Variants in WWOX observed in about 807,000 individuals in gnomAD.
WWOX encodes WW domain-containing oxidoreductase.
A neutral mutation model predicts 46.2 loss-of-function variants in WWOX; 69 were observed. The ratio of observed to expected loss-of-function variants is 1.49; its 90% confidence interval spans 1.23 to 1.82. WWOX has a LOEUF of 1.82. Among genes scored for constraint, WWOX ranks in the 40% most tolerant of loss-of-function variants. The pLI, the probability that WWOX is intolerant of heterozygous loss-of-function variation, is 0.00. For missense variants in WWOX, 919 were observed against 542.6 expected, an observed-to-expected ratio of 1.69 and a Z score of -6.89; for synonymous variants, 359 against 202.6, an observed-to-expected ratio of 1.77 and a Z score of -6.56.
intron 6 of WWOX, among the ~76,000 whole-genome samples, chr16:78,419,110 A>T (rs531698269): frequency 2.0e-5 from 3 of 152,274 alleles, no homozygotes; most frequent in Admixed American, 2.0e-4. Flanking sequence ...AAAGTAGGAT[A>T]AAAGTTTAAT....
intron 8 of WWOX, among the ~76,000 whole-genome samples, chr16:79,028,715 C>G (rs895827869): frequency 6.6e-6 from 1 of 151,844 alleles, no homozygotes; most frequent in Non-Finnish European, 1.5e-5. Context: ...AATAAATTTA[C>G]TCTCTAAACT....
intron 8 of WWOX, among the ~76,000 whole-genome samples, chr16:79,160,485 C>A (rs1420242701): frequency 6.6e-6 from 1 of 152,108 alleles, no homozygotes; most frequent in African/African-American, 2.4e-5. Context: ...TCAATAAGAG[C>A]CGATCATAGG....
chr16:79,208,647 G>A (rs1467306931), intron 8 of WWOX, among the ~76,000 whole-genome samples: 1 of 144,908 alleles, frequency 6.9e-6, no homozygotes, highest in Non-Finnish European at 1.5e-5. Context: ...TTTTTAATCA[G>A]TTTAAGAATG....
intron 8 of WWOX, among the ~76,000 whole-genome samples, chr16:78,579,620 G>A (rs568058062): frequency 6.6e-6 from 1 of 152,290 alleles, no homozygotes; most frequent in East Asian, 1.9e-4. Flanking sequence ...GTACTTCAAG[G>A]TTTTGGAGTG....
intron 4 of WWOX, among the ~76,000 whole-genome samples, chr16:78,122,142 T>C (rs1267385039): frequency 6.6e-6 from 1 of 152,208 alleles, no homozygotes; most frequent in Non-Finnish European, 1.5e-5. Flanking sequence ...TTAAAATTTA[T>C]CCTAGGTATG....
chr16:78,363,881 A>T (rs2081470319), intron 5 of WWOX, among the ~76,000 whole-genome samples: 1 of 152,194 alleles, frequency 6.6e-6, no homozygotes, highest in Admixed American at 6.5e-5. Flanking sequence ...CCTGGATGGG[A>T]AGCCCAGCAT....
At position 78,965,939 on chromosome 16, in the gene WWOX, A is replaced by G. The variant is rs372652104; in HGVS notation, c.1057-245669A>G. Among the ~76,000 whole-genome samples the G allele has an allele frequency of 3.5e-4, 54 of 152,268 alleles. No homozygotes were observed. In the South Asian group the frequency reaches 0.01, roughly 29 times the overall value. On this transcript the variant is annotated intron_variant, in intron 8 of 8. Coordinates refer to ENST00000566780, the MANE Select transcript of WWOX (RefSeq NM_016373.4). Reference sequence around the variant, plus strand: ...AAATGGGTGATCTAATTTGGACTCAATTTGCTCCAAAGTAGAGTTGGAGGA... The same window carrying G: ...AAATGGGTGATCTAATTTGGACTCAGTTTGCTCCAAAGTAGAGTTGGAGGA...
chr16:78,965,290 C>A (rs188003258), intron 8 of WWOX, among the ~76,000 whole-genome samples: 1 of 152,218 alleles, frequency 6.6e-6, no homozygotes, highest in African/African-American at 2.4e-5. Flanking sequence ...AAAATTTGGC[C>A]AGACACGGTG....
chr16:78,878,545 A>C (rs76575742), intron 8 of WWOX, among the ~76,000 whole-genome samples: 7,228 of 152,282 alleles, frequency 0.047, 220 homozygotes, highest in Non-Finnish European at 0.07. Flanking sequence ...GGCACTTAAT[A>C]AATGTTAACT....
At chr16:78,877,445 G>A (rs2044257121) in intron 8 of WWOX, among the ~76,000 whole-genome samples, 1 of 152,150 alleles carries the variant, frequency 6.6e-6, no homozygotes, top group East Asian at 1.9e-4. Context: ...ACCATGAGCT[G>A]TTCTTCTCCA....
chr16:78,978,139 A>G (rs1170083747), intron 8 of WWOX, among the ~76,000 whole-genome samples: 4 of 152,174 alleles, frequency 2.6e-5, no homozygotes, highest in Non-Finnish European at 5.9e-5. Context: ...CATGTGTTCA[A>G]GGTTGACCCA....
intron 8 of WWOX, among the ~76,000 whole-genome samples, chr16:78,520,500 A>C (rs1329132378): frequency 6.6e-6 from 1 of 152,142 alleles, no homozygotes; most frequent in East Asian, 1.9e-4. Flanking sequence ...TGCTTTTACT[A>C]ATGGTTCTGT....
At chr16:78,892,074 C>G (rs538284377) in intron 8 of WWOX, 2 of 152,046 alleles carry the variant, frequency 1.3e-5, no homozygotes, top group African/African-American at 4.8e-5. Flanking sequence ...TTTTTCCTTG[C>G]TTAGTGAATG....
chr16:78,542,013 T>A (rs1405584481), intron 8 of WWOX, among the ~76,000 whole-genome samples: 4 of 34,748 alleles, frequency 1.2e-4, no homozygotes, highest in Non-Finnish European at 2.4e-4. Flanking sequence ...TTCAACAGAG[T>A]ATACCAAAAA....
In WWOX at chr16:78,964,558, G is replaced by T. The variant is rs111519218; in HGVS notation, c.1057-247050G>T. ...GTTAAAGGCATTCAGTTTTATAAAAGAAGCAGAGCATCAAGGTTTGGAAAA... is the reference window on the plus strand; with the variant it reads ...GTTAAAGGCATTCAGTTTTATAAAATAAGCAGAGCATCAAGGTTTGGAAAA... On this transcript the variant is annotated intron_variant, in intron 8 of 8. Coordinates refer to ENST00000566780, the MANE Select transcript of WWOX (RefSeq NM_016373.4). Among the ~76,000 whole-genome samples, 155 of 152,336 alleles carry T rather than the reference G, an allele frequency of 1.0e-3. 1 individual carries two copies. Among genetic ancestry groups the T allele is most frequent in the African/African-American group, 3.6e-3 (149 of 41,582 alleles).
chr16:78,445,319 A>G (rs575576769), intron 8 of WWOX, among the ~76,000 whole-genome samples: 1 of 152,286 alleles, frequency 6.6e-6, no homozygotes, highest in South Asian at 2.1e-4. Context: ...CAGTAAATTG[A>G]TGGGTGGGCC....
chr16:78,312,994 T>A (rs901175472), intron 5 of WWOX, among the ~76,000 whole-genome samples: 2 of 152,232 alleles, frequency 1.3e-5, no homozygotes, highest in African/African-American at 4.8e-5. Flanking sequence ...GTTGAGTGAT[T>A]GTGAATGTTT....
chr16:79,210,580 C>G (rs151076485), intron 8 of WWOX, among the ~76,000 whole-genome samples: 1 of 152,176 alleles, frequency 6.6e-6, no homozygotes, highest in Non-Finnish European at 1.5e-5. Context: ...TCCCTCTCAT[C>G]AGCTGAAAAT....
At chr16:78,116,984 A>C (rs528406259) in intron 4 of WWOX, among the ~76,000 whole-genome samples, 1 of 152,364 alleles carries the variant, frequency 6.6e-6, no homozygotes, top group East Asian at 1.9e-4. Context: ...ATTGTAATCC[A>C]GGACTGATAG....
Sources: gnomAD v4.1 joint callset for allele counts (sites outside exome capture counted in the v4.1 genomes callset) on GRCh38, gnomAD v4.1.1 for gene constraint, MANE v1.5 for transcripts, NCBI Gene and HGNC (gene_info 2026-07-23, HGNC 2026-07-21) for gene names.